The following PARL variants were observed in gnomAD, a reference collection of about 807,000 sequenced individuals.
PARL encodes presenilin associated rhomboid like.
PARL carries 44 observed loss-of-function variants against 51.6 expected under a neutral mutation model. The ratio of observed to expected loss-of-function variants is 0.85; its 90% CI spans 0.67 to 1.10. The LOEUF (loss-of-function observed/expected upper bound fraction) is 1.10, where lower values mean the gene tolerates loss of function less well. Ranked by LOEUF, PARL falls within the 50% of genes least tolerant of loss-of-function variation. The pLI is 0.00. For synonymous variants in PARL, 172 were observed against 164.0 expected (o/e 1.05, Z -0.37); for missense variants, 441 against 469.5 (o/e 0.94, Z 0.56).
At chr3:183,839,184 A>C (rs1450049962) in intron 7 of PARL, among the ~76,000 whole-genome samples, 1 of 152,252 alleles carries the variant, frequency 6.6e-6, no homozygotes, top group Non-Finnish European at 1.5e-5. Context: ...AAGTGTAAAC[A>C]AATTTGGGGA....
chr3:183,829,855 G>A (rs1014001451), intron 9 of PARL, 146 bp from the exon 10 acceptor site: 76 of 742,332 alleles, frequency 1.0e-4, no homozygotes, highest in African/African-American at 7.9e-4. Flanking sequence ...TCGAGAAATG[G>A]TTTAGCTTTC....
rs766393660 is a variant in PARL at position 183,868,033 on chromosome 3, G to C, written c.153C>G (p.Cys51Trp). The C allele has an allele frequency of 1.4e-5, 22 of 1,613,826 alleles. No homozygotes were observed. In the East Asian group the frequency reaches 4.0e-4, roughly 29 times the overall value. ...CCTTCCTGGGTGCTTTTCTGAATCCGCATTTTTGTTGAATAAAGAAGTTAA... is the reference window on the plus strand; with the variant it reads ...CCTTCCTGGGTGCTTTTCTGAATCCCCATTTTTGTTGAATAAAGAAGTTAA... ...RRFNFFIQQK[C>W]GFRKAPRKVE... The change falls in exon 2 of 10, where the codon TGC (cysteine) becomes TGG (tryptophan). Residue 51 changes from cysteine to tryptophan, a missense_variant. Cys to Trp is a radical substitution (Grantham distance 215). Transcript: ENST00000317096.
downstream of PARL, chr3:183,826,785 C>G (rs544384616): frequency 2.1e-4 from 207 of 985,352 alleles, no homozygotes; most frequent in Non-Finnish European, 2.4e-4. Context: ...GTGGACTGTC[C>G]GCCACGGCCC....
chr3:183,875,378 G>A (rs1212853245), intron 1 of PARL, among the ~76,000 whole-genome samples: 3 of 125,440 alleles, frequency 2.4e-5, no homozygotes, highest in Middle Eastern at 6.8e-3. Context: ...TTGTGCCACT[G>A]CACTCCAGCC....
intron 4 of PARL, among the ~76,000 whole-genome samples, chr3:183,847,126 A>G (rs1034019312): frequency 6.6e-6 from 1 of 152,262 alleles, no homozygotes; most frequent in African/African-American, 2.4e-5. Context: ...CTGAGGCAGT[A>G]CTGCATTTTG....
chr3:183,864,594 G>A (rs1732227263), intron 3 of PARL, among the ~76,000 whole-genome samples: 1 of 152,024 alleles, frequency 6.6e-6, no homozygotes, highest in Admixed American at 6.6e-5. Flanking sequence ...GGCTAACACG[G>A]TGAAACCCCG....
intron 7 of PARL, among the ~76,000 whole-genome samples, chr3:183,838,201 A>G (rs1041562931): frequency 2.6e-5 from 4 of 151,254 alleles, no homozygotes; most frequent in African/African-American, 9.7e-5. Flanking sequence ...TAATTTTGAA[A>G]TTTTTTGTAG....
chr3:183,847,076 G>A (rs1577316909), intron 4 of PARL, among the ~76,000 whole-genome samples: 1 of 152,330 alleles, frequency 6.6e-6, no homozygotes, highest in African/African-American at 2.4e-5. Flanking sequence ...GTCCCCAGAA[G>A]CGGATGAGCA....
chr3:183,879,866 G>C (rs1734234051), intron 1 of PARL: 1 of 145,700 alleles, frequency 6.9e-6, no homozygotes, highest in Admixed American at 7.4e-5. Flanking sequence ...ACAGATGCCT[G>C]CCACCAGGAC....
chr3:183,864,378 A>G (rs1577357121), intron 3 of PARL, among the ~76,000 whole-genome samples: 1 of 152,220 alleles, frequency 6.6e-6, no homozygotes, highest in Non-Finnish European at 1.5e-5. Flanking sequence ...CCAGATTGGA[A>G]GGGCAATGTG....
At chr3:183,867,757 T>C in intron 2 of PARL, 108 bp downstream of exon 2, 1 of 814,678 alleles carries the variant, frequency 1.2e-6, no homozygotes, top group Non-Finnish European at 2.1e-6. Context: ...CAGCTCTTTT[T>C]GATCCCCCCT....
intron 1 of PARL, among the ~76,000 whole-genome samples, chr3:183,876,048 T>C (rs996163106): frequency 1.3e-5 from 2 of 151,822 alleles, no homozygotes; most frequent in African/African-American, 2.4e-5. Context: ...TTTTTATTTG[T>C]TTATTTTTAC....
At chr3:183,874,862 A>G (rs1164392281) in intron 1 of PARL, among the ~76,000 whole-genome samples, 1 of 152,234 alleles carries the variant, frequency 6.6e-6, no homozygotes, top group Admixed American at 6.5e-5. Flanking sequence ...ACTTGAGTTC[A>G]GGAGTTTGAA....
At chr3:183,867,363 C>CTTA (rs1437483939) in intron 2 of PARL, among the ~76,000 whole-genome samples, 1 of 152,078 alleles carries the variant, frequency 6.6e-6, no homozygotes, top group Non-Finnish European at 1.5e-5. Context: ...TTCTCTAGGG[C>CTTA]TTACATAAGT....
chr3:183,867,319 T>C (rs1732610479), intron 2 of PARL, among the ~76,000 whole-genome samples: 1 of 152,170 alleles, frequency 6.6e-6, no homozygotes, highest in African/African-American at 2.4e-5. Context: ...TAGCACCGCT[T>C]GAAATGCTGT....
intron 7 of PARL, among the ~76,000 whole-genome samples, chr3:183,838,172 C>A (rs1280226268): frequency 1.3e-5 from 2 of 151,928 alleles, no homozygotes; most frequent in Non-Finnish European, 2.9e-5. Flanking sequence ...ATTACAGGTG[C>A]ATGCCACCAT....
In PARL at chr3:183,862,883, A is replaced by G. The variant is rs993485733; in HGVS notation, c.463-82T>C. On this transcript the variant is annotated intron_variant, in intron 3 of 9. Transcript: ENST00000317096. ...GAAAAACCAGAAGAAAATGCCTCGC[A>G]CATAAGAGGAATTCCTCTTCTGCAA... The G allele has an allele frequency of 2.9e-6, 3 of 1,046,218 alleles. No homozygotes were observed. In the African/African-American group the frequency reaches 4.7e-5, roughly 16 times the overall value. 64.8% of individuals were successfully genotyped at this position (1,046,218 alleles called of 1,614,324 possible). A position where few individuals can be genotyped will look rare whatever the true frequency, so the allele number is the denominator to read the frequency against.
intron 3 of PARL, among the ~76,000 whole-genome samples, chr3:183,865,664 AACCCCG>A (rs1275383625): frequency 1.3e-5 from 2 of 152,098 alleles, no homozygotes; most frequent in African/African-American, 4.8e-5. Context: ...GCCCCCCTGC[AACCCCG>A]ACCTGTGGAA....
rs1160378861 is a variant in PARL, at chr3:183,840,653, T to A, written c.758-13A>T. The A allele has an allele frequency of 7.1e-7, 1 of 1,408,350 alleles. No individual in the cohort carries two copies. The highest frequency in any genetic ancestry group is 2.3e-5 in the East Asian group (1 of 43,916). The allele number at this position is 1,408,350 out of a possible 1,614,324, so 87.2% of individuals were successfully genotyped here. On this transcript the variant is annotated splice_polypyrimidine_tract_variant and intron_variant, in intron 6 of 9. Coordinates refer to ENST00000317096, the MANE Select transcript of PARL (RefSeq NM_018622.7). Reference sequence around the variant, plus strand: ...TTGGAAATAACACCTGAAAAACAAGTCACATTACAATAATTTAAGTGAGGT... The same window carrying A: ...TTGGAAATAACACCTGAAAAACAAGACACATTACAATAATTTAAGTGAGGT...
Sources: gnomAD v4.1 joint callset for allele counts (sites outside exome capture counted in the v4.1 genomes callset) on GRCh38, gnomAD v4.1.1 for gene constraint, MANE v1.5 for transcripts, NCBI Gene and HGNC (gene_info 2026-07-23, HGNC 2026-07-21) for gene names.